Variants in ADGRL2 observed in about 807,000 individuals in gnomAD.
The protein encoded by ADGRL2 is adhesion G protein-coupled receptor L2.
In ADGRL2, 44 loss-of-function variants were observed where a neutral mutation model predicts 157.4. The observed-to-expected ratio is 0.28, with a 90% CI of 0.22 to 0.36. The LOEUF is 0.36. Among genes scored for constraint, ADGRL2 ranks in the 10% least tolerant of loss-of-function variants. ADGRL2 has a pLI of 1.00. For synonymous variants in ADGRL2, 585 were observed against 624.7 expected (o/e 0.94, Z 0.95); for missense variants, 1,510 against 1,768.9 (o/e 0.85, Z 2.63).
intron 2 of ADGRL2, among the ~76,000 whole-genome samples, chr1:81,791,811 A>AT (rs1271019253): frequency 6.6e-6 from 1 of 152,106 alleles, no homozygotes; most frequent in Non-Finnish European, 1.5e-5. Context: ...TGTTTTCATT[A>AT]TTTTTCTGAG....
chr1:81,390,538 C>T (rs2076523868), intron 1 of ADGRL2, among the ~76,000 whole-genome samples: 1 of 150,980 alleles, frequency 6.6e-6, no homozygotes, highest in African/African-American at 2.4e-5. Context: ...GCTCAAATAG[C>T]ATGATAGATA....
Position 81,638,123 on chromosome 1 carries a change from G to A in ADGRL2, c.-143+57143G>A, listed in dbSNP as rs146521307. ...AGACCACGCAAGCAAGAAGAGAGTG[G>A]AATAAAATCTGTAAAGTAGTGAGAG... On this transcript the variant is annotated intron_variant, in intron 3 of 24. Coordinates refer to the ADGRL2 transcript ENST00000370721. Among the ~76,000 whole-genome samples, 441 of 151,266 alleles carry A rather than the reference G, an allele frequency of 2.9e-3. 4 individuals carry two copies. The highest frequency in any genetic ancestry group is 0.01 in the African/African-American group (431 of 41,286).
chr1:81,479,146 C>T (rs1032788915), intron 2 of ADGRL2, among the ~76,000 whole-genome samples: 6 of 151,976 alleles, frequency 3.9e-5, no homozygotes, highest in African/African-American at 1.2e-4. Flanking sequence ...GATTGGCAAA[C>T]TTGATTAAAA....
At chr1:81,395,418 C>G (rs748048896) in intron 1 of ADGRL2, among the ~76,000 whole-genome samples, 2 of 151,952 alleles carry the variant, frequency 1.3e-5, no homozygotes, top group African/African-American at 4.8e-5. Context: ...TTTAGTTGTT[C>G]GAGATCCTTG....
chr1:81,711,195 C>T (rs567252060), intron 1 of ADGRL2, among the ~76,000 whole-genome samples: 2 of 152,100 alleles, frequency 1.3e-5, no homozygotes, highest in South Asian at 4.1e-4. Context: ...AATTCTTGTC[C>T]GCATGTTTGA....
rs775523822 is a variant in ADGRL2, at chr1:81,943,483, T to C, written c.924T>C (p.Thr308=). 6 of 1,613,680 alleles carry C rather than the reference T, an allele frequency of 3.7e-6. No homozygotes were observed. In the African/African-American group the frequency reaches 4.0e-5, roughly 11 times the overall value. Residue 308 remains threonine, a synonymous_variant, in exon 6 of 24, where the codon ACT becomes ACC. Coordinates refer to ENST00000686636, the MANE Select transcript of ADGRL2 (RefSeq NM_001366006.2). The surrounding 1 kb of genome is among the most constrained non-coding windows in gnomAD (Gnocchi z 5.6). The part of the protein sequence containing the change: ...YTLRFEATWE[T]VYDKRAASNA... ...TTCGATTTGAAGCAACGTGGGAGAC[T>C]GTATACGACAAACGTGCCGCATCAA...
intron 2 of ADGRL2, among the ~76,000 whole-genome samples, chr1:81,563,335 G>A (rs551397622): frequency 6.6e-6 from 1 of 152,232 alleles, no homozygotes; most frequent in South Asian, 2.1e-4. Context: ...TCTGGTGTCT[G>A]TGTCACTATT....
intron 2 of ADGRL2, among the ~76,000 whole-genome samples, chr1:81,483,793 T>C (rs2078442073): frequency 6.6e-6 from 1 of 152,172 alleles, no homozygotes; most frequent in Non-Finnish European, 1.5e-5. Context: ...AAACTTTTAA[T>C]AGACATGTGG....
chr1:81,383,322 T>A (rs1308796292), intron 1 of ADGRL2, among the ~76,000 whole-genome samples: 1 of 152,136 alleles, frequency 6.6e-6, no homozygotes, highest in African/African-American at 2.4e-5. Flanking sequence ...TTGCTTTAAA[T>A]TAGCACTCAC....
At chr1:81,422,190 T>TC (rs926271177) in intron 1 of ADGRL2, among the ~76,000 whole-genome samples, 2 of 58,548 alleles carry the variant, frequency 3.4e-5, no homozygotes, top group Non-Finnish European at 7.7e-5. Context: ...CAAACTTCTT[T>TC]TTTTTTTAAC....
chr1:81,309,917 T>C (rs1659625238), intron 1 of ADGRL2, among the ~76,000 whole-genome samples: 1 of 152,132 alleles, frequency 6.6e-6, no homozygotes, highest in African/African-American at 2.4e-5. Flanking sequence ...TAACTACCTT[T>C]CCTAGCAACT....
chr1:81,829,056 C>T (rs1250781621), intron 1 of ADGRL2, among the ~76,000 whole-genome samples: 3 of 151,956 alleles, frequency 2.0e-5, no homozygotes, highest in East Asian at 1.9e-4. Flanking sequence ...GGATTACAGG[C>T]GCCTGCCACC....
At chr1:81,602,293 C>G (rs1036860012) in intron 3 of ADGRL2, among the ~76,000 whole-genome samples, 2 of 151,924 alleles carry the variant, frequency 1.3e-5, no homozygotes, top group African/African-American at 4.8e-5. Context: ...AACCCTGTCT[C>G]TATTAAAAAT....
intron 1 of ADGRL2, among the ~76,000 whole-genome samples, chr1:81,347,359 C>A (rs534921804): frequency 3.9e-5 from 6 of 152,088 alleles, no homozygotes; most frequent in African/African-American, 1.4e-4. Context: ...CTAGATCATG[C>A]CATTGCACTC....
At chr1:81,755,736 G>T (rs2085666096) in intron 1 of ADGRL2, among the ~76,000 whole-genome samples, 3 of 151,932 alleles carry the variant, frequency 2.0e-5, no homozygotes, top group Admixed American at 2.0e-4. Flanking sequence ...TACTTTTCAT[G>T]AGCTTGACAC....
intron 2 of ADGRL2, among the ~76,000 whole-genome samples, chr1:81,545,893 C>A (rs931523659): frequency 6.6e-6 from 1 of 152,152 alleles, no homozygotes; most frequent in African/African-American, 2.4e-5. Context: ...GGGGCACACA[C>A]TGGCCTGGCC....
chr1:81,427,242 G>T, intron 1 of ADGRL2: 1 of 762,200 alleles, frequency 1.3e-6, no homozygotes. Context: ...GGTGGAGGTG[G>T]TGGCAGCGGA....
chr1:81,542,006 A>G (rs2079897639), intron 2 of ADGRL2, among the ~76,000 whole-genome samples: 1 of 152,192 alleles, frequency 6.6e-6, no homozygotes, highest in Non-Finnish European at 1.5e-5. Context: ...ATCTTGGAAT[A>G]AACTAAAAGT....
At chr1:81,329,203 T>C (rs542947580) in intron 1 of ADGRL2, among the ~76,000 whole-genome samples, 1 of 152,222 alleles carries the variant, frequency 6.6e-6, no homozygotes, top group Admixed American at 6.5e-5. Context: ...AGTCATTATG[T>C]TCACTTTTCC....
Sources: allele counts gnomAD v4.1 joint callset (sites outside exome capture counted in the v4.1 genomes callset), GRCh38; gene constraint gnomAD v4.1.1; non-coding constraint Gnocchi (gnomAD v3.1); transcripts MANE v1.5; gene names NCBI Gene and HGNC (gene_info 2026-07-23, HGNC 2026-07-21).